The following GABRA1 variants were observed in gnomAD, a reference collection of about 807,000 sequenced individuals.
GABRA1 encodes the protein gamma-aminobutyric acid type A receptor subunit alpha1.
In GABRA1, 9 loss-of-function variants were observed where a neutral mutation model predicts 48.9. The observed-to-expected ratio is 0.18, with a 90% CI of 0.11 to 0.32. GABRA1 has a LOEUF of 0.32. Among genes scored for constraint, GABRA1 ranks in the 10% least tolerant of loss-of-function variants. The probability of loss-of-function intolerance (pLI) is 1.00; values close to 1 mark genes in which losing one functional copy is unlikely to be tolerated. For synonymous variants in GABRA1, 210 were observed against 198.7 expected (o/e 1.06, Z -0.48); for missense variants, 285 against 553.8 (o/e 0.51, Z 4.87).
At chr5:161,897,026 A>C (rs1005227464) in intron 9 of GABRA1, 85 bp from the exon 10 acceptor site, 18 of 1,267,558 alleles carry the variant, frequency 1.4e-5, no homozygotes, top group Middle Eastern at 1.9e-4. Context: ...TTTAGGCTGC[A>C]AAATAAGGGC....
At chr5:161,895,074 CAT>C (rs1755301200) in intron 8 of GABRA1, among the ~76,000 whole-genome samples, 1 of 151,882 alleles carries the variant, frequency 6.6e-6, no homozygotes, top group South Asian at 2.1e-4. Flanking sequence ...ATGAGACACA[CAT>C]GTTTCTATCT....
intron 8 of GABRA1, among the ~76,000 whole-genome samples, chr5:161,893,006 AAAAAAT>A (rs1421499440): frequency 0.022 from 1,046 of 48,518 alleles, 26 homozygotes; most frequent in South Asian, 0.065. Context: ...CTCCTTCTCA[AAAAAAT>A]AATAATAATA....
At chr5:161,891,144 A>G (rs1233378641) in intron 8 of GABRA1, 94 bp downstream of exon 8, 2 of 1,137,480 alleles carry the variant, frequency 1.8e-6, no homozygotes, top group Non-Finnish European at 2.7e-6. Context: ...AAAAAAATAT[A>G]CACTCAAATA....
In GABRA1 at chr5:161,899,508, T is replaced by A. The variant is rs773306587; in HGVS notation, c.*2086T>A. ...GACTTCTCATGGCTAACTTTTGGTC[T>A]GTATTTTGCTCCTTAGATGTGAATA... On this transcript the variant is annotated 3_prime_UTR_variant, in exon 10 of 10. Transcript: ENST00000393943. 1 of 152,322 alleles carries A rather than the reference T, an allele frequency of 6.6e-6. No homozygotes were observed. The highest frequency in any genetic ancestry group is 1.5e-5 in the Non-Finnish European group (1 of 67,992). The allele number at this position is 152,322 out of a possible 1,614,324, so 9.4% of individuals were successfully genotyped here.
chr5:161,891,110 C>T, intron 8 of GABRA1, 60 bp downstream of exon 8: 1 of 1,437,170 alleles, frequency 7.0e-7, no homozygotes, highest in Non-Finnish European at 9.8e-7. Flanking sequence ...TATGTCATAT[C>T]TGTGACACTG....
At chr5:161,878,625 G>C (rs896834583) in intron 6 of GABRA1, among the ~76,000 whole-genome samples, 1 of 152,134 alleles carries the variant, frequency 6.6e-6, no homozygotes, top group African/African-American at 2.4e-5. Flanking sequence ...GATTCTGATT[G>C]TTAAGGCTAA....
At chr5:161,889,734 G>A (rs923352575) in intron 7 of GABRA1, among the ~76,000 whole-genome samples, 2 of 151,870 alleles carry the variant, frequency 1.3e-5, no homozygotes, top group Non-Finnish European at 1.5e-5. Context: ...ACAAGAGAGG[G>A]GCAGCTGTTT....
intron 2 of GABRA1, among the ~76,000 whole-genome samples, chr5:161,852,273 T>G (rs1359103935): frequency 6.6e-6 from 1 of 152,080 alleles, no homozygotes. Context: ...TTTCTGAATT[T>G]TATATAAGCT....
chr5:161,886,508 T>C (rs1754854574), intron 7 of GABRA1, among the ~76,000 whole-genome samples: 1 of 152,096 alleles, frequency 6.6e-6, no homozygotes, highest in Non-Finnish European at 1.5e-5. Context: ...CAGTGAGTCA[T>C]GCCTGTAATC....
intron 7 of GABRA1, among the ~76,000 whole-genome samples, chr5:161,887,828 T>C (rs1754915284): frequency 1.3e-5 from 2 of 152,084 alleles, no homozygotes; most frequent in South Asian, 4.1e-4. Flanking sequence ...TAAAAAGTGC[T>C]TTCACTCAGA....
At chr5:161,880,552 C>A (rs1242970990) in intron 6 of GABRA1, among the ~76,000 whole-genome samples, 1 of 152,110 alleles carries the variant, frequency 6.6e-6, no homozygotes, top group Non-Finnish European at 1.5e-5. Context: ...CAAAATTATC[C>A]ATTTCGTACT....
rs1390219469 is a variant in GABRA1 at position 161,897,397 on chromosome 5, T to A, written c.1346T>A (p.Leu449Gln). 1.2e-6 allele frequency: 2 copies of A among 1,614,114 alleles called. No homozygotes were observed. The highest frequency in any genetic ancestry group is 1.1e-5 in the South Asian group (1 of 91,090). The change falls in exon 10 of 10, where the codon CTA (leucine) becomes CAA (glutamine). Residue 449 changes from leucine to glutamine, a missense_variant. By Grantham distance (113) the Leu-to-Gln change is moderately radical. Transcript: ENST00000393943. Reference sequence around the variant, plus strand: ...ACGTATTTAAACAGAGAGCCTCAGCTAAAAGCCCCCACACCACATCAATAG... The same window carrying A: ...ACGTATTTAAACAGAGAGCCTCAGCAAAAAGCCCCCACACCACATCAATAG... ...WATYLNREPQ[L>Q]KAPTPHQ
intron 1 of GABRA1, chr5:161,849,072 T>A (rs1332585234): frequency 2.3e-6 from 1 of 434,024 alleles, no homozygotes; most frequent in South Asian, 1.6e-5. Context: ...GAGGGGGAGG[T>A]TGAAGGTAGA....
chr5:161,873,044 ACTGT>A (rs1754192177), intron 4 of GABRA1, 69 bp from the exon 5 acceptor site: 1 of 1,192,908 alleles, frequency 8.4e-7, no homozygotes, highest in East Asian at 2.3e-5. Flanking sequence ...AAAATTATGC[ACTGT>A]CTGCGTTAGA....
chr5:161,888,954 T>C (rs1441903495), intron 7 of GABRA1, among the ~76,000 whole-genome samples: 1 of 152,026 alleles, frequency 6.6e-6, no homozygotes, highest in Admixed American at 6.6e-5. Flanking sequence ...ATATGGCCGG[T>C]CATGCTACAT....
chr5:161,877,715 G>C (rs1754422910), intron 6 of GABRA1, among the ~76,000 whole-genome samples: 2 of 152,140 alleles, frequency 1.3e-5, no homozygotes, highest in Non-Finnish European at 2.9e-5. Context: ...GAATATTAGA[G>C]GTATTTTAAG....
At chr5:161,873,858 A>G (rs927821244) in intron 5 of GABRA1, among the ~76,000 whole-genome samples, 1 of 152,208 alleles carries the variant, frequency 6.6e-6, no homozygotes, top group Admixed American at 6.6e-5. Context: ...AAGACTACGT[A>G]TACATTTCTG....
chr5:161,869,538 A>T (rs755786853), intron 4 of GABRA1, among the ~76,000 whole-genome samples: 1 of 152,216 alleles, frequency 6.6e-6, no homozygotes, highest in Non-Finnish European at 1.5e-5. Context: ...TTCCCAGGGC[A>T]CTAGGTTCTG....
chr5:161,891,139 A>T (rs548329240), intron 8 of GABRA1, 89 bp downstream of exon 8: 97 of 1,189,012 alleles, frequency 8.2e-5, no homozygotes, highest in African/African-American at 2.0e-4. Context: ...AATAAAAAAA[A>T]ATATACACTC....
Sources: gnomAD v4.1 joint callset for allele counts (sites outside exome capture counted in the v4.1 genomes callset) on GRCh38, gnomAD v4.1.1 for gene constraint, MANE v1.5 for transcripts, NCBI Gene and HGNC (gene_info 2026-07-23, HGNC 2026-07-21) for gene names.